The following CHCHD6 variants were observed in gnomAD, a reference collection of about 807,000 sequenced individuals.
CHCHD6 encodes the protein coiled-coil-helix-coiled-coil-helix domain containing 6.
A neutral mutation model predicts 32.3 loss-of-function variants in CHCHD6; 28 were observed. That is an observed-to-expected ratio of 0.87 (90% CI 0.64 to 1.19). The LOEUF is 1.19. Ranked by LOEUF, CHCHD6 falls within the 50% of genes most tolerant of loss-of-function variation. The probability of loss-of-function intolerance (pLI) is 0.00; values close to 1 mark genes in which losing one functional copy is unlikely to be tolerated. For missense variants in CHCHD6, 333 were observed against 307.0 expected (o/e 1.08, Z -0.63); for synonymous variants, 122 against 117.5 (o/e 1.04, Z -0.25).
intron 4 of CHCHD6, among the ~76,000 whole-genome samples, chr3:126,800,482 A>C (rs1216507111): frequency 6.6e-6 from 1 of 152,192 alleles, no homozygotes; most frequent in Admixed American, 6.5e-5. Context: ...CCAGAATTGG[A>C]GGGAGCAGGC....
chr3:126,859,785 C>T lies in CHCHD6; in HGVS notation c.495+7055C>T, dbSNP rs543461715. Among the ~76,000 whole-genome samples, 6 of 152,300 alleles carry T rather than the reference C, an allele frequency of 3.9e-5. No homozygotes were observed. The South Asian group carries it at 1.0e-3, about 26-fold the overall frequency. On this transcript the variant is annotated intron_variant, in intron 5 of 7. Transcript: ENST00000290913. The stretch of plus-strand genomic sequence containing the variant: ...CCACGTGCTGCCTCCCACCGCCTCC[C>T]GCATCAGTGAGTGGAGAAGAGTCCA...
At chr3:126,933,452 G>C (rs1266593707) in intron 6 of CHCHD6, among the ~76,000 whole-genome samples, 1 of 152,164 alleles carries the variant, frequency 6.6e-6, no homozygotes, top group Admixed American at 6.5e-5. Context: ...GGTTTATTTG[G>C]CTCATGGTCC....
At position 126,733,149 on chromosome 3, in the gene CHCHD6, C is replaced by T. The variant is rs1213143435; in HGVS notation, c.338C>T (p.Thr113Ile). Residue 113 changes from threonine (T) to isoleucine (I), a missense_variant, in exon 4 of 8, where the codon ACC becomes ATC. Transcript: ENST00000290913. ...QVAKREREAA[T>I]KHSKASLPTG... ...GCAAAGAGGGAAAGAGAGGCTGCCA[C>T]CAAGCACTCCAAGGCATCCCTGCCC... 1.2e-6 allele frequency: 2 copies of T among 1,614,184 alleles called. No homozygotes were observed. The highest frequency in any genetic ancestry group is 1.1e-5 in the South Asian group (1 of 91,088).
At chr3:126,754,627 C>T (rs1442372090) in intron 4 of CHCHD6, among the ~76,000 whole-genome samples, 6 of 152,296 alleles carry the variant, frequency 3.9e-5, no homozygotes, top group South Asian at 4.2e-4. Context: ...GCTCGGCTTC[C>T]GAAGTGAAAA....
At chr3:126,860,066 A>G (rs1039915515) in intron 5 of CHCHD6, among the ~76,000 whole-genome samples, 2 of 152,084 alleles carry the variant, frequency 1.3e-5, no homozygotes, top group East Asian at 3.9e-4. Context: ...GGTCACTCCA[A>G]TGTGGCCAGC....
At chr3:126,845,767 A>G (rs1056994332) in intron 4 of CHCHD6, among the ~76,000 whole-genome samples, 2 of 152,184 alleles carry the variant, frequency 1.3e-5, no homozygotes, top group African/African-American at 2.4e-5. Flanking sequence ...CATGCTAGAA[A>G]TGGATTTCTA....
chr3:126,750,304 C>A (rs1168871608), intron 4 of CHCHD6, among the ~76,000 whole-genome samples: 1 of 152,224 alleles, frequency 6.6e-6, no homozygotes, highest in Admixed American at 6.5e-5. Context: ...GCCTTCCAGG[C>A]AGCTGACCTC....
At chr3:126,835,642 ACTC>A (rs1020542246) in intron 4 of CHCHD6, among the ~76,000 whole-genome samples, 3 of 151,904 alleles carry the variant, frequency 2.0e-5, no homozygotes, top group Non-Finnish European at 4.4e-5. Flanking sequence ...ACTTCTCTGA[ACTC>A]TTACTGTTTG....
In CHCHD6 at chr3:126,881,767, G is replaced by A. The variant is rs140268650; in HGVS notation, c.495+29037G>A. Among the ~76,000 whole-genome samples, 253 of 152,278 alleles carry A rather than the reference G, an allele frequency of 1.7e-3. 1 individual carries two copies. The highest frequency in any genetic ancestry group is 2.5e-3 in the Non-Finnish European group (171 of 68,024). The stretch of plus-strand genomic sequence containing the variant: ...TGACTATTGATTAAAATAGTTCTTT[G>A]ATTAAAATTAAAACTAATTGAACTT... On this transcript the variant is annotated intron_variant, in intron 5 of 7. Transcript: ENST00000290913.
chr3:126,803,064 C>T (rs1939162959), intron 4 of CHCHD6, among the ~76,000 whole-genome samples: 1 of 152,010 alleles, frequency 6.6e-6, no homozygotes, highest in African/African-American at 2.4e-5. Context: ...CTGACACAAG[C>T]ACTAAACGTG....
At chr3:126,841,150 T>C (rs1380231819) in intron 4 of CHCHD6, among the ~76,000 whole-genome samples, 1 of 151,942 alleles carries the variant, frequency 6.6e-6, no homozygotes, top group Non-Finnish European at 1.5e-5. Flanking sequence ...CGGTGTTTGG[T>C]TTTTTGTTCT....
Position 126,734,885 on chromosome 3 carries a change from G to A in CHCHD6, c.411+1663G>A, listed in dbSNP as rs547878758. Among the ~76,000 whole-genome samples the A allele has an allele frequency of 3.9e-5, 6 of 152,300 alleles. No individual in the cohort carries two copies. The South Asian group carries it at 1.2e-3, about 32-fold the overall frequency. ...TGCTGAGGAGTTAACCCTCAAAGTA[G>A]CCCGCATCGATCCTGAAACAGTCAA... On this transcript the variant is annotated intron_variant, in intron 4 of 7. Transcript: ENST00000290913.
chr3:126,714,384 C>G (rs974004157), intron 1 of CHCHD6, among the ~76,000 whole-genome samples: 5 of 152,168 alleles, frequency 3.3e-5, no homozygotes, highest in South Asian at 2.1e-4. Context: ...GAGGGCTCTT[C>G]TTGTTCTGCC....
intron 4 of CHCHD6, among the ~76,000 whole-genome samples, chr3:126,822,834 C>T (rs1262975017): frequency 1.3e-5 from 2 of 152,078 alleles, no homozygotes; most frequent in Non-Finnish European, 2.9e-5. Flanking sequence ...TTCAAATGAT[C>T]TGTGTTAGTA....
At chr3:126,813,189 G>A (rs1939736358) in intron 4 of CHCHD6, among the ~76,000 whole-genome samples, 1 of 152,050 alleles carries the variant, frequency 6.6e-6, no homozygotes, top group Non-Finnish European at 1.5e-5. Context: ...CCTTTTATCG[G>A]CCACAGGACC....
intron 4 of CHCHD6, among the ~76,000 whole-genome samples, chr3:126,808,972 CT>C (rs60330898): frequency 4.7e-5 from 7 of 149,982 alleles, no homozygotes; most frequent in East Asian, 3.9e-4. Context: ...TTTGAGTGGT[CT>C]TTTTTTTTTC....
chr3:126,875,432 A>C (rs574523437), intron 5 of CHCHD6, among the ~76,000 whole-genome samples: 1 of 152,368 alleles, frequency 6.6e-6, no homozygotes, highest in South Asian at 2.1e-4. Flanking sequence ...TAGAGCCTCT[A>C]GCTGGCAGGT....
chr3:126,796,174 C>T (rs1025809798), intron 4 of CHCHD6, among the ~76,000 whole-genome samples: 6 of 152,034 alleles, frequency 3.9e-5, no homozygotes, highest in Non-Finnish European at 8.8e-5. Flanking sequence ...GTGAGAACCC[C>T]ATCTCTATAA....
intron 5 of CHCHD6, among the ~76,000 whole-genome samples, chr3:126,864,335 C>CA (rs1301649550): frequency 6.7e-6 from 1 of 150,362 alleles, no homozygotes; most frequent in Non-Finnish European, 1.5e-5. Context: ...CCACCACCAC[C>CA]TCACCATTCT....
Sources: gnomAD v4.1 joint callset for allele counts (sites outside exome capture counted in the v4.1 genomes callset) on GRCh38, gnomAD v4.1.1 for gene constraint, MANE v1.5 for transcripts, NCBI Gene and HGNC (gene_info 2026-07-23, HGNC 2026-07-21) for gene names.